The following MYO7B variants were observed in gnomAD, a reference collection of about 807,000 sequenced individuals.
MYO7B encodes the protein unconventional myosin-VIIb.
A neutral mutation model predicts 259.7 loss-of-function variants in MYO7B; 212 were observed. That is an observed-to-expected ratio of 0.82 (90% CI 0.73 to 0.91). The LOEUF is 0.91. Among genes scored for constraint, MYO7B ranks in the 40% least tolerant of loss-of-function variants. The probability of loss-of-function intolerance (pLI) is 0.00; values close to 1 mark genes in which losing one functional copy is unlikely to be tolerated. For synonymous variants in MYO7B, 1,197 were observed against 1,166.4 expected, an observed-to-expected ratio of 1.03 and a Z score of -0.54; for missense variants, 2,732 against 2,813.5, an observed-to-expected ratio of 0.97 and a Z score of 0.66.
chr2:127,551,191 G>A (rs1693431967), intron 1 of MYO7B, among the ~76,000 whole-genome samples: 1 of 152,194 alleles, frequency 6.6e-6, no homozygotes, highest in African/African-American at 2.4e-5. Context: ...TCTCTCCTTG[G>A]CTTGCAGATG....
rs553259108 is a variant in MYO7B, at chr2:127,554,040, A to G, written c.-23-5660A>G. ...TCATGTAACTTTTGTTTTTAATTCT[A>G]TTTATGTGGTGTATCACATTTATTT... On this transcript the variant is annotated intron_variant, in intron 1 of 47. Transcript: ENST00000409816. Among the ~76,000 whole-genome samples the G allele has an allele frequency of 6.6e-5, 10 of 152,208 alleles. No individual in the cohort carries two copies. The East Asian group carries it at 1.7e-3, about 26-fold the overall frequency.
chr2:127,553,409 T>C (rs2104826982), intron 1 of MYO7B, among the ~76,000 whole-genome samples: 1 of 152,342 alleles, frequency 6.6e-6, no homozygotes, highest in South Asian at 2.1e-4. Flanking sequence ...GTGTTTCCAT[T>C]TGTTTGTGTT....
At chr2:127,548,509 A>G (rs982732743) in intron 1 of MYO7B, among the ~76,000 whole-genome samples, 1 of 149,550 alleles carries the variant, frequency 6.7e-6, no homozygotes, top group Non-Finnish European at 1.5e-5. Context: ...TCTGCCTCCC[A>G]GGTTCAAGCG....
chr2:127,544,967 C>A (rs189519965), intron 1 of MYO7B, among the ~76,000 whole-genome samples: 2 of 152,172 alleles, frequency 1.3e-5, no homozygotes, highest in South Asian at 4.1e-4. Flanking sequence ...CCTCATGATC[C>A]GCCCGCCTCG....
At chr2:127,623,031 T>C (rs1408755386) in intron 28 of MYO7B, among the ~76,000 whole-genome samples, 171 bp from the exon 29 acceptor site, 1 of 152,170 alleles carries the variant, frequency 6.6e-6, no homozygotes, top group Admixed American at 6.5e-5. Flanking sequence ...CTGAATTTTG[T>C]TTTCTATGCC....
At chr2:127,551,653 A>T (rs1179349855) in intron 1 of MYO7B, among the ~76,000 whole-genome samples, 4 of 152,240 alleles carry the variant, frequency 2.6e-5, no homozygotes, top group Non-Finnish European at 5.9e-5. Flanking sequence ...CAAGGCCCTA[A>T]AGCAGAGGCG....
At chr2:127,625,949 A>G (rs1681087503) in intron 31 of MYO7B, 1 of 187,044 alleles carries the variant, frequency 5.3e-6, no homozygotes, top group South Asian at 1.9e-4. Flanking sequence ...GCCAGAGTGT[A>G]TGGACATTCT....
At chr2:127,578,315 C>T in intron 9 of MYO7B, 29 bp downstream of exon 9, 1 of 1,612,426 alleles carries the variant, frequency 6.2e-7, no homozygotes, top group Non-Finnish European at 8.5e-7. Context: ...CAACTGCACC[C>T]TTGGGGAGGG....
chr2:127,582,477 C>A (rs534267567), intron 12 of MYO7B, 31 bp downstream of exon 12: 22 of 1,607,736 alleles, frequency 1.4e-5, no homozygotes, highest in Admixed American at 5.1e-5. Context: ...AGCCCCACTG[C>A]TTCCAGAAAA....
intron 28 of MYO7B, 77 bp from the exon 29 acceptor site, chr2:127,623,125 G>T: frequency 1.3e-6 from 2 of 1,529,746 alleles, no homozygotes; most frequent in East Asian, 2.3e-5. Context: ...GGGAGAGGAG[G>T]GAGGTAGTGG....
intron 1 of MYO7B, among the ~76,000 whole-genome samples, chr2:127,553,843 A>G (rs1573613664): frequency 6.6e-6 from 1 of 152,172 alleles, no homozygotes; most frequent in Admixed American, 6.5e-5. Context: ...TTCTGTTCTC[A>G]GAGGGAATGC....
In MYO7B at chr2:127,620,368, C is replaced by G. The variant is rs1273196217; in HGVS notation, c.3427C>G (p.Gln1143Glu). ...TGAGATTTACTGCCAGATCTGCAAG[C>G]AGCTCTCGGAGAACTTCAAAACAAG... ...RDEIYCQICK[Q>E]LSENFKTSSL... Residue 1143 changes from glutamine to glutamate, a missense_variant, in exon 27 of 48, where the codon CAG (glutamine) becomes GAG (glutamate). This residue lies in a region of MYO7B where 1,906 missense variants were observed against 2,026.4 expected (regional missense o/e 0.94). Transcript: ENST00000409816. 6.2e-7 allele frequency: 1 copy of G among 1,612,572 alleles called. No homozygotes were observed. The highest frequency in any genetic ancestry group is 8.5e-7 in the Non-Finnish European group (1 of 1,178,784).
In MYO7B at chr2:127,614,872, A is replaced by G. The variant is rs1680511334; in HGVS notation, c.3398+2269A>G. On this transcript the variant is annotated intron_variant, in intron 26 of 47. Coordinates refer to ENST00000409816, the MANE Select transcript of MYO7B (RefSeq NM_001393586.1). This position sits in a 1 kb window ranked among gnomAD's most constrained non-coding sequence, Gnocchi z 4.6. ...AAATCCTACAAGAATGTGTCTCTTT[A>G]GAACGTCGGATATGAGCATCCATTT... 6.6e-6 allele frequency among the ~76,000 whole-genome samples: 1 copy of G among 152,224 alleles called. No individual in the cohort carries two copies. The highest frequency in any genetic ancestry group is 2.4e-5 in the African/African-American group (1 of 41,456).
At chr2:127,580,701 G>T (rs769734142) in intron 9 of MYO7B, 45 bp from the exon 10 acceptor site, 2 of 1,566,046 alleles carry the variant, frequency 1.3e-6, no homozygotes, top group African/African-American at 1.4e-5. Flanking sequence ...TGCTCCCATC[G>T]CTCCAGGCTG....
intron 1 of MYO7B, among the ~76,000 whole-genome samples, chr2:127,536,724 T>G (rs1279482651): frequency 6.6e-6 from 1 of 152,226 alleles, no homozygotes; most frequent in African/African-American, 2.4e-5. Flanking sequence ...ACTTGAATTT[T>G]GCTCTAATTT....
intron 2 of MYO7B, among the ~76,000 whole-genome samples, chr2:127,561,022 C>A (rs188480900): frequency 2.0e-5 from 3 of 152,192 alleles, no homozygotes; most frequent in African/African-American, 4.8e-5. Context: ...AGGTTGTGAG[C>A]GCTTCTGGTA....
At chr2:127,594,284 G>A (rs887463860) in intron 18 of MYO7B, among the ~76,000 whole-genome samples, 1 of 152,220 alleles carries the variant, frequency 6.6e-6, no homozygotes, top group African/African-American at 2.4e-5. Context: ...AGTCTCATAA[G>A]CCTCAGCGGG....
intron 36 of MYO7B, 115 bp downstream of exon 36, chr2:127,631,023 A>G: frequency 7.2e-7 from 1 of 1,387,800 alleles, no homozygotes; most frequent in Non-Finnish European, 9.7e-7. Context: ...TGAGAGCTGC[A>G]GAGAGGCCAC....
Position 127,559,851 on chromosome 2 carries a change from C to T in MYO7B, c.18+111C>T, listed in dbSNP as rs1677996609. 1.6e-6 allele frequency: 2 copies of T among 1,273,956 alleles called. No homozygotes were observed. The highest frequency in any genetic ancestry group is 1.7e-5 in the Admixed American group (1 of 58,794). The allele number at this position is 1,273,956 out of a possible 1,614,324, so 78.9% of individuals were successfully genotyped here. A position where few individuals can be genotyped will look rare whatever the true frequency, so the allele number is the denominator to read the frequency against. Reference sequence around the variant, plus strand: ...GGCAATGAGACCCTATAGGAAAATACCAGAGACAGGGGAGTTTAGGAAACA... The same window carrying T: ...GGCAATGAGACCCTATAGGAAAATATCAGAGACAGGGGAGTTTAGGAAACA... On this transcript the variant is annotated intron_variant, in intron 2 of 47. Transcript: ENST00000409816. This position sits in a 1 kb window ranked among gnomAD's most constrained non-coding sequence, Gnocchi z 4.1.
Sources: gnomAD v4.1 joint callset for allele counts (sites outside exome capture counted in the v4.1 genomes callset) on GRCh38, gnomAD v4.1.1 for gene constraint, gnomAD v4.1.1 regional missense constraint, Gnocchi (gnomAD v3.1) non-coding constraint, MANE v1.5 for transcripts, NCBI Gene and HGNC (gene_info 2026-07-23, HGNC 2026-07-21) for gene names.